CD40LG: variants seen among roughly 807,000 people sequenced by gnomAD.
CD40LG encodes CD40 antigen ligand.
CD40LG carries 1 observed loss-of-function variant against 17.2 expected under a neutral mutation model. The observed-to-expected ratio is 0.06, with a 90% CI of 0.02 to 0.28. The LOEUF is 0.28. CD40LG is among the 10% of genes least tolerant of loss of function. CD40LG has a pLI of 1.00. For missense variants in CD40LG, 133 were observed against 193.2 expected, an observed-to-expected ratio of 0.69 and a Z score of 1.85; for synonymous variants, 66 against 74.4, an observed-to-expected ratio of 0.89 and a Z score of 0.58.
intron 2 of CD40LG, among the ~76,000 whole-genome samples, chrX:136,650,789 G>A (rs1048839795): frequency 9.0e-6 from 1 of 111,624 alleles, no homozygotes; most frequent in African/African-American, 3.3e-5. Context: ...AGCAATAGCC[G>A]TCAACAGCTG....
In CD40LG at chrX:136,648,278, C is replaced by G. The variant is rs375387574; in HGVS notation, c.30C>G (p.Pro10=). The change falls in exon 1 of 5, where the codon CCC becomes CCG. Residue 10 remains proline, a synonymous_variant. Coordinates refer to ENST00000370629, the MANE Select transcript of CD40LG (RefSeq NM_000074.3). ...TCGAAACATACAACCAAACTTCTCC[C>G]CGATCTGCGGCCACTGGACTGCCCA... MIETYNQTS[P]RSAATGLPIS... is the part of the protein sequence containing the mutation. 1.6e-5 allele frequency: 19 copies of G among 1,202,417 alleles called. No individual in the cohort carries two copies. The African/African-American group carries it at 3.0e-4, about 19-fold the overall frequency.
chrX:136,658,911 C>T, intron 4 of CD40LG, 128 bp from the exon 5 acceptor site: 1 of 711,126 alleles, frequency 1.4e-6, no homozygotes, highest in Non-Finnish European at 2.2e-6. Flanking sequence ...ACTCTGAAGC[C>T]CATGGAAGGG....
chrX:136,656,256 T>G, intron 3 of CD40LG, 100 bp from the exon 4 acceptor site: 2 of 633,715 alleles, frequency 3.2e-6, no homozygotes, highest in South Asian at 2.2e-5. Flanking sequence ...TATAATCTAT[T>G]TTTGCACAGT....
At chrX:136,649,820 A>T (rs2076099008) in intron 1 of CD40LG, among the ~76,000 whole-genome samples, 1 of 112,726 alleles carries the variant, frequency 8.9e-6, no homozygotes, top group Non-Finnish European at 1.9e-5. Flanking sequence ...TCGTTAACTG[A>T]CACATTGCAA....
chrX:136,649,648 T>A (rs1454043267), intron 1 of CD40LG, among the ~76,000 whole-genome samples: 2 of 112,982 alleles, frequency 1.8e-5, no homozygotes, highest in Non-Finnish European at 3.7e-5. Flanking sequence ...GAAAATGGTA[T>A]AAAATTAGTT....
chrX:136,658,102 G>T (rs184866438), intron 4 of CD40LG, among the ~76,000 whole-genome samples: 3 of 112,084 alleles, frequency 2.7e-5, no homozygotes, highest in Non-Finnish European at 5.6e-5. Context: ...ATTTCAGGAT[G>T]CCTCCCTATT....
intron 1 of CD40LG, 93 bp from the exon 2 acceptor site, chrX:136,650,173 G>T: frequency 1.6e-6 from 1 of 632,849 alleles, no homozygotes; most frequent in Non-Finnish European, 2.6e-6. Flanking sequence ...TCCTCCTCTT[G>T]TTGATGCCGT....
In CD40LG at chrX:136,648,408, A is replaced by G. The variant is rs2148550590; in HGVS notation, c.156+4A>G. On this transcript the variant is annotated splice_donor_region_variant and intron_variant, in intron 1 of 4. Coordinates refer to ENST00000370629, the MANE Select transcript of CD40LG (RefSeq NM_000074.3). ...TCTTCATAGAAGGTTGGACAAGGTA[A>G]GATGAACCACAAGCCTTTATTAACT... The G allele has an allele frequency of 1.7e-6, 2 of 1,207,143 alleles. No homozygotes were observed. The highest frequency in any genetic ancestry group is 2.2e-6 in the Non-Finnish European group (2 of 891,127).
At chrX:136,653,141 G>T (rs750801406) in intron 2 of CD40LG, among the ~76,000 whole-genome samples, 1 of 112,296 alleles carries the variant, frequency 8.9e-6, no homozygotes, top group South Asian at 3.7e-4. Context: ...ACACTAAATA[G>T]TCATTTGTTT....
In CD40LG at chrX:136,659,782, T is replaced by G. The variant is rs1037138939; in HGVS notation, c.*367T>G. ...GCGTGCAGTGTCTTTCCATGGATAA[T>G]GCATTTGATTTATCAGTGAAGATGC... is the stretch of plus-strand genomic sequence containing the variant. On this transcript the variant is annotated 3_prime_UTR_variant, in exon 5 of 5. Transcript: ENST00000370629. 5.3e-6 allele frequency: 1 copy of G among 189,838 alleles called. No individual in the cohort carries two copies. Among genetic ancestry groups the G allele is most frequent in the African/African-American group, 3.0e-5 (1 of 33,086 alleles). The allele number at this position is 189,838 out of a possible 1,213,427, so 15.6% of individuals were successfully genotyped here.
Position 136,654,436 on chromosome X carries a change from T to C in CD40LG, c.346+6T>C. 1 of 1,160,255 alleles carries C rather than the reference T, an allele frequency of 8.6e-7. No individual in the cohort carries two copies. Among genetic ancestry groups the C allele is most frequent in the South Asian group, 1.8e-5 (1 of 55,759 alleles). ...CAGCTTTGAAATGCAAAAAGGTAGGTTTGCTATTTGCTAATTTCTATGAAT... is the reference window on the plus strand; with the variant it reads ...CAGCTTTGAAATGCAAAAAGGTAGGCTTGCTATTTGCTAATTTCTATGAAT... On this transcript the variant is annotated splice_donor_region_variant and intron_variant, in intron 3 of 4. Transcript: ENST00000370629.
chrX:136,650,913 G>A (rs1020889745), intron 2 of CD40LG, among the ~76,000 whole-genome samples: 2 of 110,719 alleles, frequency 1.8e-5, no homozygotes, highest in Non-Finnish European at 3.8e-5. Context: ...CCTTTTACTG[G>A]GGAGAGAGGT....
rs773041323 is a variant in CD40LG, at chrX:136,650,403, C to A, written c.288+6C>A. 1 of 1,202,666 alleles carries A rather than the reference C, an allele frequency of 8.3e-7. No homozygotes were observed. The highest frequency in any genetic ancestry group is 2.2e-5 in the Admixed American group (1 of 45,962). On this transcript the variant is annotated splice_donor_region_variant and intron_variant, in intron 2 of 4. Transcript: ENST00000370629. ...AGTTTGAAGGCTTTGTGAAGGTAAG[C>A]AGCTTAATTACTGGTAAAAGTGTCA...
At chrX:136,653,409 G>A (rs903470039) in intron 2 of CD40LG, among the ~76,000 whole-genome samples, 4 of 112,675 alleles carry the variant, frequency 3.6e-5, no homozygotes, top group African/African-American at 1.3e-4. Context: ...GGAGTGGGAA[G>A]GAGCACAGGA....
chrX:136,654,067 G>A (rs1315895728), intron 2 of CD40LG, among the ~76,000 whole-genome samples: 1 of 111,923 alleles, frequency 8.9e-6, no homozygotes, highest in Non-Finnish European at 1.9e-5. Context: ...CAAAGCCAAG[G>A]AGGTTGAGGT....
At chrX:136,650,140 T>C (rs2076099838) in intron 1 of CD40LG, 126 bp from the exon 2 acceptor site, 2 of 507,626 alleles carry the variant, frequency 3.9e-6, no homozygotes, top group Non-Finnish European at 7.0e-6. Context: ...AATAACTTAT[T>C]ATTCTCCATT....
intron 3 of CD40LG, 66 bp from the exon 4 acceptor site, chrX:136,656,290 G>C: frequency 1.2e-6 from 1 of 810,905 alleles, no homozygotes; most frequent in Non-Finnish European, 1.9e-6. Context: ...TTGTAGAACT[G>C]GACCAGATAG....
chrX:136,655,343 C>T (rs1212734786), intron 3 of CD40LG, among the ~76,000 whole-genome samples: 1 of 111,895 alleles, frequency 8.9e-6, no homozygotes, highest in Non-Finnish European at 1.9e-5. Flanking sequence ...CACTCACCTC[C>T]TTTTCTTGGA....
At chrX:136,653,573 A>G (rs909987716) in intron 2 of CD40LG, among the ~76,000 whole-genome samples, 3 of 112,404 alleles carry the variant, frequency 2.7e-5, no homozygotes, top group African/African-American at 9.7e-5. Flanking sequence ...CCTCATAATG[A>G]CCAGTTAAGC....
Sources: allele counts gnomAD v4.1 joint callset (sites outside exome capture counted in the v4.1 genomes callset), GRCh38; gene constraint gnomAD v4.1.1; transcripts MANE v1.5; gene names NCBI Gene and HGNC (gene_info 2026-07-23, HGNC 2026-07-21).